FOXN2: variants seen among roughly 807,000 people sequenced by gnomAD.
FOXN2 encodes the protein forkhead box protein N2.
FOXN2 carries 19 observed loss-of-function variants against 41.2 expected under a neutral mutation model. The ratio of observed to expected loss-of-function variants is 0.46; its 90% CI spans 0.32 to 0.68. The LOEUF (loss-of-function observed/expected upper bound fraction) is 0.68, where lower values mean the gene tolerates loss of function less well. Among genes scored for constraint, FOXN2 ranks in the 30% least tolerant of loss-of-function variants. The pLI is 0.03. For synonymous variants in FOXN2, 195 were observed against 176.8 expected (o/e 1.10, Z -0.82); for missense variants, 587 against 509.4 (o/e 1.15, Z -1.47).
At chr2:48,317,521 G>A (rs563937449) in intron 1 of FOXN2, among the ~76,000 whole-genome samples, 1 of 147,098 alleles carries the variant, frequency 6.8e-6, no homozygotes, top group East Asian at 2.0e-4. Context: ...CATTTAAGGA[G>A]CATTTGGTTT....
At chr2:48,342,541 G>GT in intron 2 of FOXN2, among the ~76,000 whole-genome samples, 1 of 151,762 alleles carries the variant, frequency 6.6e-6, no homozygotes, top group East Asian at 1.9e-4. Context: ...GCCCAAAATT[G>GT]TTTATTTTAT....
In FOXN2 at chr2:48,363,359, AAG is replaced by A. The variant is rs1350604537; in HGVS notation, c.703+655_703+656del. Among the ~76,000 whole-genome samples, 16 of 151,874 alleles carry A rather than the reference AAG, an allele frequency of 1.1e-4. No individual in the cohort carries two copies. The East Asian group carries it at 3.1e-3, about 29-fold the overall frequency. ...TATGTATTTTATGCTGTTATTACAA[AAG>A]AGTAAAAATTTAAAAAATTAAAAAG... is the stretch of plus-strand genomic sequence containing the variant. On this transcript the variant is annotated intron_variant, in intron 5 of 6. Transcript: ENST00000340553.
At chr2:48,329,786 A>G (rs1388762426) in intron 2 of FOXN2, among the ~76,000 whole-genome samples, 1 of 152,156 alleles carries the variant, frequency 6.6e-6, no homozygotes, top group African/African-American at 2.4e-5. Context: ...AAAACAAAAA[A>G]TGTATTGTTA....
At position 48,377,309 on chromosome 2, in the gene FOXN2, A is replaced by T. The variant is rs117060166; in HGVS notation, c.*1866A>T. ...AGTGAATAAAACACCAAAAACCCAA[A>T]AATGCTTTAACCACAGTATAAATAA... On this transcript the variant is annotated 3_prime_UTR_variant, in exon 7 of 7. Coordinates refer to ENST00000340553, the MANE Select transcript of FOXN2 (RefSeq NM_002158.4). 3 of 152,180 alleles carry T rather than the reference A, an allele frequency of 2.0e-5. No homozygotes were observed. Among genetic ancestry groups the T allele is most frequent in the East Asian group, 3.9e-4 (2 of 5,194 alleles). The allele number at this position is 152,180 out of a possible 1,614,324, so 9.4% of individuals were successfully genotyped here. A position where few individuals can be genotyped will look rare whatever the true frequency, so the allele number is the denominator to read the frequency against.
intron 2 of FOXN2, among the ~76,000 whole-genome samples, chr2:48,330,415 T>A (rs142392538): frequency 4.5e-4 from 69 of 152,354 alleles, no homozygotes; most frequent in African/African-American, 1.6e-3. Context: ...CACAAACATT[T>A]GGATTTCTGG....
At chr2:48,332,437 A>G (rs935445823) in intron 2 of FOXN2, among the ~76,000 whole-genome samples, 1 of 152,186 alleles carries the variant, frequency 6.6e-6, no homozygotes, top group Non-Finnish European at 1.5e-5. Context: ...GGGGACAAAT[A>G]TAATAAGGAA....
intron 3 of FOXN2, among the ~76,000 whole-genome samples, chr2:48,349,163 C>G (rs1291418519): frequency 6.6e-6 from 1 of 152,198 alleles, no homozygotes; most frequent in East Asian, 1.9e-4. Context: ...GAGGGAGACT[C>G]TGTCTCACAA....
intron 1 of FOXN2, among the ~76,000 whole-genome samples, chr2:48,317,659 GT>G (rs1369538304): frequency 8.5e-6 from 1 of 117,356 alleles, no homozygotes; most frequent in Non-Finnish European, 1.6e-5. Context: ...CCAGGCTGGA[GT>G]GCAGTGGCGC....
At chr2:48,350,731 A>AGTCTTCCTT (rs1402346566) in intron 3 of FOXN2, among the ~76,000 whole-genome samples, 1 of 152,214 alleles carries the variant, frequency 6.6e-6, no homozygotes, top group African/African-American at 2.4e-5. Flanking sequence ...CCTCTGGAGC[A>AGTCTTCCTT]CCAGATGGAG....
intron 5 of FOXN2, among the ~76,000 whole-genome samples, chr2:48,363,449 A>G (rs1301039346): frequency 6.6e-6 from 1 of 152,198 alleles, no homozygotes; most frequent in Non-Finnish European, 1.5e-5. Flanking sequence ...GAAAAAATTA[A>G]AAAATCAATT....
At chr2:48,331,298 A>G (rs1353026032) in intron 2 of FOXN2, among the ~76,000 whole-genome samples, 3 of 152,238 alleles carry the variant, frequency 2.0e-5, no homozygotes, top group Non-Finnish European at 2.9e-5. Flanking sequence ...ATTTTAAAAA[A>G]GTAAACAATT....
intron 2 of FOXN2, among the ~76,000 whole-genome samples, chr2:48,344,669 A>C (rs1383665069): frequency 6.6e-6 from 1 of 152,198 alleles, no homozygotes; most frequent in Non-Finnish European, 1.5e-5. Flanking sequence ...CTCTGAGGCT[A>C]ACTACTTCTG....
chr2:48,372,742 A>G (rs1011089328), intron 5 of FOXN2, among the ~76,000 whole-genome samples: 1 of 152,124 alleles, frequency 6.6e-6, no homozygotes, highest in Non-Finnish European at 1.5e-5. Flanking sequence ...GTGTATAATC[A>G]TGACTAAAAA....
intron 1 of FOXN2, among the ~76,000 whole-genome samples, chr2:48,327,011 T>C (rs1286941051): frequency 6.6e-6 from 1 of 152,122 alleles, no homozygotes; most frequent in African/African-American, 2.4e-5. Context: ...TAGGCTATAG[T>C]TGTGACAGTG....
chr2:48,340,343 A>G (rs962149592), intron 2 of FOXN2, among the ~76,000 whole-genome samples: 2 of 152,200 alleles, frequency 1.3e-5, no homozygotes, highest in Non-Finnish European at 2.9e-5. Flanking sequence ...CAATGTTAAT[A>G]CCAACCTAAG....
At chr2:48,361,949 A>G (rs1433809706) in intron 4 of FOXN2, among the ~76,000 whole-genome samples, 7 of 152,206 alleles carry the variant, frequency 4.6e-5, no homozygotes, top group Admixed American at 4.6e-4. Flanking sequence ...TATTATATCA[A>G]ACTTAAGAAT....
At chr2:48,355,854 G>T (rs1671757977) in intron 3 of FOXN2, among the ~76,000 whole-genome samples, 1 of 152,142 alleles carries the variant, frequency 6.6e-6, no homozygotes, top group Admixed American at 6.5e-5. Context: ...GAAAAGACAG[G>T]TCTAACAATC....
At chr2:48,351,500 G>A (rs566124723) in intron 3 of FOXN2, among the ~76,000 whole-genome samples, 106 of 152,300 alleles carry the variant, frequency 7.0e-4, no homozygotes, top group African/African-American at 2.4e-3. Flanking sequence ...AACTTTTGAC[G>A]CTAGGGACTG....
rs114620063 is a variant in FOXN2, at chr2:48,359,586, C to A, written c.638+439C>A. 8.5e-3 allele frequency among the ~76,000 whole-genome samples: 1,289 copies of A among 151,760 alleles called. 22 individuals carry two copies. Among genetic ancestry groups the A allele is most frequent in the African/African-American group, 0.03 (1,234 of 41,450 alleles). On this transcript the variant is annotated intron_variant, in intron 4 of 6. Coordinates refer to ENST00000340553, the MANE Select transcript of FOXN2 (RefSeq NM_002158.4). ...TGGGATTACAGGCGTGAGCCACCAT[C>A]CTCGGCCTGTTTTTTCTTTTCTTTT...
Sources: gnomAD v4.1 joint callset for allele counts (sites outside exome capture counted in the v4.1 genomes callset) on GRCh38, gnomAD v4.1.1 for gene constraint, MANE v1.5 for transcripts, NCBI Gene and HGNC (gene_info 2026-07-23, HGNC 2026-07-21) for gene names.